The following ZC3H12B variants were observed in gnomAD, a reference collection of about 807,000 sequenced individuals.
The protein encoded by ZC3H12B is zinc finger CCCH-type containing 12B, also known as probable ribonuclease ZC3H12B.
Under a neutral mutation model 43.9 loss-of-function variants are expected in ZC3H12B, and 7 were observed. The observed-to-expected ratio is 0.16, with a 90% CI of 0.09 to 0.30. ZC3H12B has a LOEUF of 0.30. Ranked by LOEUF, ZC3H12B falls within the 10% of genes least tolerant of loss-of-function variation. ZC3H12B has a pLI of 1.00. For missense variants in ZC3H12B, 475 were observed against 670.2 expected (o/e 0.71, Z 3.22); for synonymous variants, 222 against 241.7 (o/e 0.92, Z 0.76).
chrX:65,236,921 C>G, the ZC3H12B span, among the ~76,000 whole-genome samples: 1 of 111,494 alleles, frequency 9.0e-6, no homozygotes, highest in Non-Finnish European at 1.9e-5. Context: ...TGTTTTTGTA[C>G]CAGTACCATG....
chrX:65,330,601 GT>G, the ZC3H12B span, among the ~76,000 whole-genome samples: 1 of 111,642 alleles, frequency 9.0e-6, no homozygotes, highest in African/African-American at 3.3e-5. Flanking sequence ...TTTATTGAGA[GT>G]TTTTGGGATG....
chrX:65,425,000 A>G (rs1438064868), intron 3 of ZC3H12B, among the ~76,000 whole-genome samples: 2 of 112,041 alleles, frequency 1.8e-5, no homozygotes, highest in East Asian at 5.6e-4. Context: ...AATTCAGTGA[A>G]GAATGTCAAT....
At chrX:65,089,603 GAATT>G in the ZC3H12B span, among the ~76,000 whole-genome samples, 1 of 111,233 alleles carries the variant, frequency 9.0e-6, no homozygotes, top group Middle Eastern at 4.6e-3. Flanking sequence ...TCTTCAATAA[GAATT>G]AATCTTAGCT....
intron 3 of ZC3H12B, among the ~76,000 whole-genome samples, chrX:65,434,892 G>C (rs1321187193): frequency 9.0e-6 from 1 of 110,999 alleles, no homozygotes; most frequent in African/African-American, 3.3e-5. Flanking sequence ...GAATGTGGAG[G>C]CTGCTGCTAC....
chrX:65,082,607 C>G, the ZC3H12B span, among the ~76,000 whole-genome samples: 4 of 110,696 alleles, frequency 3.6e-5, no homozygotes, highest in Non-Finnish European at 7.6e-5. Flanking sequence ...GTAATGAGAT[C>G]GAAGCTGTAA....
chrX:65,306,351 A>G, the ZC3H12B span, among the ~76,000 whole-genome samples: 18 of 112,028 alleles, frequency 1.6e-4, no homozygotes, highest in African/African-American at 5.8e-4. Context: ...AGATTCAGCC[A>G]TTCCACTCTT....
At chrX:65,465,730 C>T (rs1173914276) in intron 3 of ZC3H12B, among the ~76,000 whole-genome samples, 4 of 110,501 alleles carry the variant, frequency 3.6e-5, no homozygotes, top group African/African-American at 1.3e-4. Flanking sequence ...TTCTAGTGTA[C>T]CATTTTAATC....
chrX:65,333,675 A>G, the ZC3H12B span, among the ~76,000 whole-genome samples: 2 of 111,691 alleles, frequency 1.8e-5, no homozygotes, highest in Non-Finnish European at 3.8e-5. Flanking sequence ...TTCTAATGTC[A>G]CAATTTCCAA....
chrX:65,211,988 T>C, the ZC3H12B span, among the ~76,000 whole-genome samples: 1 of 68,910 alleles, frequency 1.5e-5, no homozygotes, highest in Non-Finnish European at 2.4e-5. Context: ...ATATAATATA[T>C]AATATATGTT....
the ZC3H12B span, among the ~76,000 whole-genome samples, chrX:65,195,043 A>G: frequency 2.0e-5 from 2 of 99,641 alleles, no homozygotes; most frequent in Non-Finnish European, 4.1e-5. Flanking sequence ...TTTTCAGTCT[A>G]GTGTGCCTTT....
At chrX:65,338,642 G>A in the ZC3H12B span, among the ~76,000 whole-genome samples, 2 of 112,225 alleles carry the variant, frequency 1.8e-5, no homozygotes, top group Non-Finnish European at 3.8e-5. Flanking sequence ...GAATCTGGCA[G>A]CACATCAAAA....
chrX:65,222,650 T>TAAAAAA, the ZC3H12B span, among the ~76,000 whole-genome samples: 1 of 93,932 alleles, frequency 1.1e-5, no homozygotes, highest in South Asian at 4.9e-4. Context: ...ATAATAATAA[T>TAAAAAA]AAAACACTTA....
chrX:65,038,685 A>T, the ZC3H12B span, among the ~76,000 whole-genome samples: 1 of 111,157 alleles, frequency 9.0e-6, no homozygotes. Context: ...GCTAAACCTC[A>T]GTGGTGGCAG....
chrX:65,501,239 C>CTTTTTT (rs770490342), intron 4 of ZC3H12B, among the ~76,000 whole-genome samples: 22 of 63,346 alleles, frequency 3.5e-4, no homozygotes, highest in Non-Finnish European at 4.0e-4. Context: ...TCAGCTTTAG[C>CTTTTTT]TTTTTTTTTT....
At chrX:65,049,507 A>G in the ZC3H12B span, among the ~76,000 whole-genome samples, 1 of 111,026 alleles carries the variant, frequency 9.0e-6, no homozygotes, top group African/African-American at 3.3e-5. Flanking sequence ...TTTTGGGCTC[A>G]CTATTCTTTT....
exon 5 of ZC3H12B, chrX:65,506,204 T>C (rs1245462401): frequency 8.9e-6 from 1 of 112,530 alleles, no homozygotes; most frequent in Non-Finnish European, 1.9e-5. Flanking sequence ...ATTTCAAGCA[T>C]TATATTGCAT....
chrX:65,134,336 G>C, the ZC3H12B span, among the ~76,000 whole-genome samples: 1 of 110,890 alleles, frequency 9.0e-6, no homozygotes. Context: ...ATGGAGTGTG[G>C]GTGAAGAATC....
At chrX:65,430,554 T>C (rs1465188324) in intron 3 of ZC3H12B, among the ~76,000 whole-genome samples, 1 of 91,038 alleles carries the variant, frequency 1.1e-5, no homozygotes, top group Non-Finnish European at 2.1e-5. Context: ...CCAAGTGTTC[T>C]CATTGTTCAA....
the ZC3H12B span, among the ~76,000 whole-genome samples, chrX:65,078,368 C>T: frequency 8.9e-6 from 1 of 112,115 alleles, no homozygotes; most frequent in Non-Finnish European, 1.9e-5. Flanking sequence ...CAAGGACCAG[C>T]TCTGGCACAT....
Sources: allele counts gnomAD v4.1 joint callset (sites outside exome capture counted in the v4.1 genomes callset), GRCh38; gene constraint gnomAD v4.1.1; transcripts MANE v1.5; gene names NCBI Gene and HGNC (gene_info 2026-07-23, HGNC 2026-07-21).